Variants in CORO2B observed in about 807,000 individuals in gnomAD.
The protein encoded by CORO2B is coronin-2B.
Under a neutral mutation model 58.8 loss-of-function variants are expected in CORO2B, and 26 were observed. The observed-to-expected ratio is 0.44, with a 90% confidence interval of 0.32 to 0.61. The LOEUF (loss-of-function observed/expected upper bound fraction) is 0.61. Ranked by LOEUF, CORO2B falls within the 20% of genes least tolerant of loss-of-function variation. The probability of loss-of-function intolerance (pLI) is 0.04; values close to 1 mark genes in which losing one functional copy is unlikely to be tolerated. For missense variants in CORO2B, 460 were observed against 645.1 expected, an observed-to-expected ratio of 0.71 and a Z score of 3.11; for synonymous variants, 242 against 253.8, an observed-to-expected ratio of 0.95 and a Z score of 0.44.
rs1182383168 is a variant in CORO2B, at chr15:68,616,668, T to A, written c.16-28492T>A. 3.1e-6 allele frequency: 3 copies of A among 961,432 alleles called. No individual in the cohort carries two copies. In the African/African-American group the frequency reaches 5.3e-5, roughly 17 times the overall value. 59.6% of individuals were successfully genotyped at this position (961,432 alleles called of 1,614,324 possible). On this transcript the variant is annotated intron_variant, in intron 1 of 11. Coordinates refer to ENST00000261861, the MANE Select transcript of CORO2B (RefSeq NM_006091.5). ...CCCAGCGCAAGCAGGCAATCCCATG[T>A]CATCTGCGAGATCTCCCATGGGCGA...
the CORO2B span, among the ~76,000 whole-genome samples, chr15:68,518,710 G>C: frequency 6.6e-6 from 1 of 152,190 alleles, no homozygotes; most frequent in Non-Finnish European, 1.5e-5. Flanking sequence ...GGGTCCCCAG[G>C]GGCTTCCTGG....
chr15:68,691,557 G>A (rs111911644), intron 2 of CORO2B, among the ~76,000 whole-genome samples: 1 of 12,678 alleles, frequency 7.9e-5, no homozygotes, highest in Admixed American at 1.9e-3. Flanking sequence ...CCCGGGAGGC[G>A]GAGCTTGCAG....
chr15:68,576,684 G>C (rs1283854278), upstream of CORO2B, among the ~76,000 whole-genome samples: 1 of 152,188 alleles, frequency 6.6e-6, no homozygotes, highest in Non-Finnish European at 1.5e-5. Context: ...TCTGGCTAGA[G>C]GCTGACCTGC....
At chr15:68,628,507 A>G (rs2140257738) in intron 1 of CORO2B, among the ~76,000 whole-genome samples, 1 of 152,370 alleles carries the variant, frequency 6.6e-6, no homozygotes, top group East Asian at 1.9e-4. Context: ...AAAATATGTA[A>G]CATATCTCTT....
intron 1 of CORO2B, among the ~76,000 whole-genome samples, chr15:68,621,817 T>C (rs1009778262): frequency 1.3e-5 from 2 of 149,616 alleles, no homozygotes; most frequent in Non-Finnish European, 3.0e-5. Flanking sequence ...AGGACAGTGG[T>C]GCAATCATGG....
chr15:68,553,749 CT>C, the CORO2B span, among the ~76,000 whole-genome samples: 4 of 152,226 alleles, frequency 2.6e-5, no homozygotes, highest in Non-Finnish European at 4.4e-5. Context: ...AGGACTGCCC[CT>C]GGTGCGTTTG....
At chr15:68,569,054 T>C in the CORO2B span, among the ~76,000 whole-genome samples, 3 of 151,618 alleles carry the variant, frequency 2.0e-5, no homozygotes, top group Non-Finnish European at 4.4e-5. Flanking sequence ...GCCCCCTGCT[T>C]CCACACACAC....
At chr15:68,628,268 C>T (rs1900735408) in intron 1 of CORO2B, among the ~76,000 whole-genome samples, 1 of 152,212 alleles carries the variant, frequency 6.6e-6, no homozygotes, top group African/African-American at 2.4e-5. Context: ...AGCACACACC[C>T]TATGGAGTGG....
At position 68,726,258 on chromosome 15, in the gene CORO2B, G is replaced by A. The variant is rs952452406; in HGVS notation, c.*284G>A. On this transcript the variant is annotated 3_prime_UTR_variant, in exon 12 of 12. Coordinates refer to ENST00000261861, the MANE Select transcript of CORO2B (RefSeq NM_006091.5). Reference sequence around the variant, plus strand: ...GGGTGAAGACTACAGACTCCCTGGGGTTGGCAGGGGCTCCATCTCAGTGGA... The same window carrying A: ...GGGTGAAGACTACAGACTCCCTGGGATTGGCAGGGGCTCCATCTCAGTGGA... 1.3e-5 allele frequency: 5 copies of A among 388,488 alleles called. No individual in the cohort carries two copies. The highest frequency in any genetic ancestry group is 1.9e-5 in the Non-Finnish European group (4 of 214,928). 24.1% of individuals were successfully genotyped at this position (388,488 alleles called of 1,614,324 possible). A position where few individuals can be genotyped will look rare whatever the true frequency, so the allele number is the denominator to read the frequency against.
intron 2 of CORO2B, among the ~76,000 whole-genome samples, chr15:68,649,527 G>A (rs1038699356): frequency 1.3e-5 from 2 of 152,258 alleles, no homozygotes; most frequent in Admixed American, 6.5e-5. Context: ...GAGCAGTCTC[G>A]TTCTCCAGCG....
At chr15:68,725,098 G>T (rs1290967873) in intron 11 of CORO2B, among the ~76,000 whole-genome samples, 1 of 152,238 alleles carries the variant, frequency 6.6e-6, no homozygotes, top group Admixed American at 6.5e-5. Context: ...GCCGGGCATG[G>T]TAGCTTACAC....
chr15:68,606,627 G>A (rs984557217), intron 1 of CORO2B, among the ~76,000 whole-genome samples: 1 of 152,216 alleles, frequency 6.6e-6, no homozygotes, highest in Non-Finnish European at 1.5e-5. Flanking sequence ...AAGAGGCTGT[G>A]TAGAAAATAC....
intron 1 of CORO2B, chr15:68,641,624 G>C: frequency 6.1e-6 from 6 of 984,274 alleles, no homozygotes; most frequent in Non-Finnish European, 7.2e-6. Flanking sequence ...GCTCAGGAGA[G>C]CCTATCAGGT....
chr15:68,685,104 T>TGCTGGGTTCA lies in CORO2B; in HGVS notation c.217-10034_217-10033insTGGGTTCAGC, dbSNP rs754568818. On this transcript the variant is annotated intron_variant, in intron 2 of 11. Transcript: ENST00000261861. ...ATCTGCTGGGTTCAGCATGATCCAC[T>TGCTGGGTTCA]GCCCTCGGTACTCCTTTACATGCTC... Among the ~76,000 whole-genome samples the TGCTGGGTTCA allele has an allele frequency of 2.0e-3, 305 of 152,350 alleles. 1 individual carries two copies. The highest frequency in any genetic ancestry group is 3.6e-3 in the Non-Finnish European group (244 of 68,030).
At chr15:68,550,974 C>T in the CORO2B span, among the ~76,000 whole-genome samples, 1 of 152,134 alleles carries the variant, frequency 6.6e-6, no homozygotes, top group Non-Finnish European at 1.5e-5. Flanking sequence ...CCCACCCACC[C>T]CCAGGATGGG....
chr15:68,523,445 C>G, the CORO2B span, among the ~76,000 whole-genome samples: 3 of 152,164 alleles, frequency 2.0e-5, no homozygotes, highest in African/African-American at 7.2e-5. Context: ...AATCCTCCCT[C>G]CTCAGCCTCC....
At chr15:68,714,431 C>T (rs1013554311) in intron 6 of CORO2B, 128 bp from the exon 7 acceptor site, 16 of 724,352 alleles carry the variant, frequency 2.2e-5, no homozygotes, top group Non-Finnish European at 3.4e-5. Context: ...ACCCATAGGA[C>T]GGGCTTTTTA....
chr15:68,643,707 AGAG>A (rs1341737569), intron 1 of CORO2B, among the ~76,000 whole-genome samples: 4 of 152,184 alleles, frequency 2.6e-5, no homozygotes, highest in African/African-American at 9.7e-5. Context: ...CCTTCAATAA[AGAG>A]GAGTTTGTGA....
intron 8 of CORO2B, 86 bp from the exon 9 acceptor site, chr15:68,718,612 T>G: frequency 8.3e-7 from 1 of 1,201,584 alleles, no homozygotes; most frequent in Non-Finnish European, 1.2e-6. Flanking sequence ...TTCCTCAGCC[T>G]TTCCCCTGGC....
Sources: gnomAD v4.1 joint callset for allele counts (sites outside exome capture counted in the v4.1 genomes callset) on GRCh38, gnomAD v4.1.1 for gene constraint, MANE v1.5 for transcripts, NCBI Gene and HGNC (gene_info 2026-07-23, HGNC 2026-07-21) for gene names.